The following PKM variants were observed in gnomAD, a reference collection of about 807,000 sequenced individuals.
PKM encodes the protein pyruvate kinase PKM.
Under a neutral mutation model 49.8 loss-of-function variants are expected in PKM, and 18 were observed. The ratio of observed to expected loss-of-function variants is 0.36; its 90% confidence interval spans 0.25 to 0.54. The LOEUF (loss-of-function observed/expected upper bound fraction) is 0.54, where lower values mean the gene tolerates loss of function less well. PKM is among the 20% of genes least tolerant of loss of function. The pLI is 0.89. For synonymous variants in PKM, 239 were observed against 261.8 expected (o/e 0.91, Z 0.84); for missense variants, 508 against 713.8 (o/e 0.71, Z 3.28).
chr15:72,215,214 T>G (rs531023995), intron 3 of PKM, among the ~76,000 whole-genome samples: 10 of 149,692 alleles, frequency 6.7e-5, no homozygotes, highest in African/African-American at 2.4e-4. Flanking sequence ...AAAAAAAAGC[T>G]GTTAAAAGAT....
At chr15:72,226,532 AAAAAT>A (rs1000885943) in intron 1 of PKM, among the ~76,000 whole-genome samples, 18 of 152,212 alleles carry the variant, frequency 1.2e-4, no homozygotes, top group Admixed American at 8.5e-4. Context: ...TCCGTCTCAA[AAAAAT>A]AAAATAAAAT....
At chr15:72,213,734 A>T (rs559952138) in intron 3 of PKM, among the ~76,000 whole-genome samples, 1 of 152,302 alleles carries the variant, frequency 6.6e-6, no homozygotes, top group Admixed American at 6.5e-5. Flanking sequence ...CGCCCAGCCC[A>T]CTTTTTCAAC....
At chr15:72,215,618 C>T (rs1037618897) in intron 3 of PKM, among the ~76,000 whole-genome samples, 1 of 152,130 alleles carries the variant, frequency 6.6e-6, no homozygotes, top group African/African-American at 2.4e-5. Flanking sequence ...ATACCAAAAT[C>T]GGAGCCAGCT....
chr15:72,206,417 G>C, intron 8 of PKM: 1 of 404,460 alleles, frequency 2.5e-6, no homozygotes. Flanking sequence ...AAGTATCCCA[G>C]GACTTAAGCC....
chr15:72,223,924 A>G (rs2082593564), intron 1 of PKM, among the ~76,000 whole-genome samples: 1 of 144,684 alleles, frequency 6.9e-6, no homozygotes, highest in African/African-American at 2.5e-5. Flanking sequence ...GCTTTAAAAA[A>G]AAAAAAAAAA....
chr15:72,205,192 C>T (rs977902180), intron 8 of PKM, among the ~76,000 whole-genome samples: 2 of 152,012 alleles, frequency 1.3e-5, no homozygotes, highest in African/African-American at 4.8e-5. Flanking sequence ...TGGCTCACTG[C>T]AACCTCAACC....
At chr15:72,221,247 A>G (rs2082514022) in intron 1 of PKM, 1 of 1,535,432 alleles carries the variant, frequency 6.5e-7, no homozygotes, top group Admixed American at 2.0e-5. Flanking sequence ...CTCACTAGCA[A>G]AGACCGCTCA....
intron 1 of PKM, chr15:72,228,561 T>C: frequency 1.0e-6 from 1 of 998,138 alleles, no homozygotes; most frequent in Non-Finnish European, 1.4e-6. Context: ...AACCACAATG[T>C]AGTTTCCCCA....
chr15:72,200,539 T>G lies in PKM; in HGVS notation c.1424A>C (p.Lys475Thr), dbSNP rs1315135987. Residue 475 changes from lysine (K) to threonine (T), a missense_variant, in exon 10 of 11, where the codon AAG becomes ACG. Transcript: ENST00000335181. The surrounding 1 kb of genome is among the most constrained non-coding windows in gnomAD (Gnocchi z 4.6). ...AGCCCAGGCCTCCTGGACTGGGTCCTTGCACAGCACAGGGAAGATGCCACG... is the reference window on the plus strand; with the variant it reads ...AGCCCAGGCCTCCTGGACTGGGTCCGTGCACAGCACAGGGAAGATGCCACG... ...LYRGIFPVLC[K>T]DPVQEAWAED... 1 of 1,613,902 alleles carries G rather than the reference T, an allele frequency of 6.2e-7. No homozygotes were observed. Among genetic ancestry groups the G allele is most frequent in the Admixed American group, 1.7e-5 (1 of 60,016 alleles).
intron 1 of PKM, among the ~76,000 whole-genome samples, chr15:72,220,697 G>A (rs1015949394): frequency 6.6e-6 from 1 of 152,198 alleles, no homozygotes; most frequent in Non-Finnish European, 1.5e-5. Flanking sequence ...GTATCTCCTA[G>A]CACCTAGTAT....
intron 1 of PKM, among the ~76,000 whole-genome samples, chr15:72,227,156 A>G (rs1437393316): frequency 3.9e-5 from 6 of 152,270 alleles, no homozygotes; most frequent in Non-Finnish European, 7.3e-5. Flanking sequence ...TGGTCTTCAT[A>G]TATCTGGTTG....
intron 1 of PKM, among the ~76,000 whole-genome samples, chr15:72,220,737 C>T (rs888538457): frequency 1.3e-5 from 2 of 152,196 alleles, no homozygotes; most frequent in Non-Finnish European, 2.9e-5. Context: ...TGTTAAATGA[C>T]CTTTCAGTCT....
chr15:72,211,811 G>GAA (rs575356129), intron 3 of PKM, among the ~76,000 whole-genome samples: 10 of 91,814 alleles, frequency 1.1e-4, no homozygotes, highest in East Asian at 3.2e-4. Context: ...CCTATCTCAA[G>GAA]AAAAAAAAAA....
chr15:72,221,251 C>A, intron 1 of PKM: 1 of 1,535,370 alleles, frequency 6.5e-7, no homozygotes, highest in Non-Finnish European at 8.7e-7. Context: ...CTAGCAAAGA[C>A]CGCTCAGAGC....
At chr15:72,207,402 T>TG in intron 6 of PKM, 125 bp from the exon 7 acceptor site, 28 of 865,454 alleles carry the variant, frequency 3.2e-5, no homozygotes, top group Non-Finnish European at 4.8e-5. Flanking sequence ...ACATCCATGA[T>TG]ATCATCATGG....
chr15:72,210,017 C>A, intron 4 of PKM, 158 bp from the exon 5 acceptor site: 1 of 704,078 alleles, frequency 1.4e-6, no homozygotes, highest in Non-Finnish European at 2.6e-6. Flanking sequence ...CTGTATACTT[C>A]ACGGAAATAA....
intron 3 of PKM, among the ~76,000 whole-genome samples, chr15:72,211,258 G>A (rs900700623): frequency 2.0e-5 from 3 of 151,982 alleles, no homozygotes; most frequent in Non-Finnish European, 4.4e-5. Context: ...TAGTAGAGAC[G>A]GGGTTTCACC....
chr15:72,200,599 C>T lies in PKM; in HGVS notation c.1364G>A (p.Arg455Gln), dbSNP rs772885059. Residue 455 changes from arginine (R) to glutamine (Q), a missense_variant, in exon 10 of 11, where the codon CGG (arginine) becomes CAG (glutamine). Physicochemically the swap from Arg to Gln is conservative, Grantham distance 43. Coordinates refer to ENST00000335181, the MANE Select transcript of PKM (RefSeq NM_002654.6). This position sits in a 1 kb window ranked among gnomAD's most constrained non-coding sequence, Gnocchi z 4.6. ...RPRAPIIAVT[R>Q]NPQTARQAHL... is the part of the protein sequence containing the mutation. ...GGCCTGACGAGCTGTCTGGGGATTCCGGGTCACAGCAATGATGGGGGCACG... is the reference window on the plus strand; with the variant it reads ...GGCCTGACGAGCTGTCTGGGGATTCTGGGTCACAGCAATGATGGGGGCACG... 4.3e-6 allele frequency: 7 copies of T among 1,613,894 alleles called. No homozygotes were observed. The highest frequency in any genetic ancestry group is 4.2e-6 in the Non-Finnish European group (5 of 1,179,892).
chr15:72,202,007 T>C lies in PKM; in HGVS notation c.1307+447A>G, dbSNP rs1312959477. ...CCTGAGCTGGAACCCAATTTGTCTTTAGGGCTCAAAAACAGCAGGGACTAG... is the reference window on the plus strand; with the variant it reads ...CCTGAGCTGGAACCCAATTTGTCTTCAGGGCTCAAAAACAGCAGGGACTAG... On this transcript the variant is annotated intron_variant, in intron 9 of 10. Transcript: ENST00000335181. This position sits in a 1 kb window ranked among gnomAD's most constrained non-coding sequence, Gnocchi z 4.5. The C allele has an allele frequency of 4.2e-6, 1 of 238,966 alleles. No individual in the cohort carries two copies. The highest frequency in any genetic ancestry group is 8.4e-6 in the Non-Finnish European group (1 of 118,996). The allele number at this position is 238,966 out of a possible 1,614,324, so 14.8% of individuals were successfully genotyped here.
Sources: allele counts gnomAD v4.1 joint callset (sites outside exome capture counted in the v4.1 genomes callset), GRCh38; gene constraint gnomAD v4.1.1; non-coding constraint Gnocchi (gnomAD v3.1); transcripts MANE v1.5; gene names NCBI Gene and HGNC (gene_info 2026-07-23, HGNC 2026-07-21).